The following DCAF10 variants were observed in gnomAD, a reference collection of about 807,000 sequenced individuals.
DCAF10 encodes the protein DDB1 and CUL4 associated factor 10.
A neutral mutation model predicts 51.9 loss-of-function variants in DCAF10; 19 were observed. The observed-to-expected ratio is 0.37, with a 90% CI of 0.26 to 0.54. The LOEUF is 0.54. Ranked by LOEUF, DCAF10 falls within the 20% of genes least tolerant of loss-of-function variation. The pLI, the probability that DCAF10 is intolerant of heterozygous loss-of-function variation, is 0.87. For missense variants in DCAF10, 510 were observed against 730.6 expected, an observed-to-expected ratio of 0.70 and a Z score of 3.48; for synonymous variants, 291 against 297.1, an observed-to-expected ratio of 0.98 and a Z score of 0.21.
chr9:37,850,824 T>TTTTATA (rs1473461026), intron 3 of DCAF10, among the ~76,000 whole-genome samples: 1 of 54,520 alleles, frequency 1.8e-5, no homozygotes, highest in Non-Finnish European at 4.1e-5. Flanking sequence ...TGAGGATATA[T>TTTTATA]TTTATATATA....
intron 2 of DCAF10, among the ~76,000 whole-genome samples, chr9:37,822,050 A>G (rs1248779505): frequency 6.6e-6 from 1 of 152,208 alleles, no homozygotes; most frequent in African/African-American, 2.4e-5. Flanking sequence ...GGAAATGCAA[A>G]TCAAAACCAT....
chr9:37,812,917 T>A (rs1829397408), intron 1 of DCAF10, among the ~76,000 whole-genome samples: 1 of 151,900 alleles, frequency 6.6e-6, no homozygotes, highest in Non-Finnish European at 1.5e-5. Context: ...TCTAAAAAAT[T>A]AAATATTAGG....
chr9:37,844,720 C>A (rs1263581143), intron 3 of DCAF10, among the ~76,000 whole-genome samples: 3 of 152,096 alleles, frequency 2.0e-5, no homozygotes, highest in Non-Finnish European at 4.4e-5. Flanking sequence ...TGGCACACGC[C>A]TGTAATCCCA....
chr9:37,808,415 G>A (rs1016418880), intron 1 of DCAF10, among the ~76,000 whole-genome samples: 8 of 132,066 alleles, frequency 6.1e-5, no homozygotes, highest in African/African-American at 2.2e-4. Flanking sequence ...ATGAGACCCT[G>A]TCTCAAGAAA....
intron 3 of DCAF10, among the ~76,000 whole-genome samples, chr9:37,848,834 GT>G (rs1467104823): frequency 6.6e-6 from 1 of 151,864 alleles, no homozygotes; most frequent in African/African-American, 2.4e-5. Flanking sequence ...TTAGCAGGGC[GT>G]GGTGGTGGGC....
intron 2 of DCAF10, among the ~76,000 whole-genome samples, chr9:37,822,720 AG>A (rs1829742811): frequency 6.6e-6 from 1 of 152,124 alleles, no homozygotes; most frequent in Non-Finnish European, 1.5e-5. Context: ...TGGGTGCACC[AG>A]GGTCTCACAA....
intron 3 of DCAF10, among the ~76,000 whole-genome samples, chr9:37,844,158 A>G (rs1018295789): frequency 2.0e-5 from 3 of 152,270 alleles, no homozygotes; most frequent in African/African-American, 7.2e-5. Flanking sequence ...ATTACAAGAA[A>G]GAAGTGAGAA....
chr9:37,850,826 TTATATA>T (rs71494679), intron 3 of DCAF10, among the ~76,000 whole-genome samples: 860 of 45,010 alleles, frequency 0.019, 3 homozygotes, highest in South Asian at 0.026. Flanking sequence ...AGGATATATT[TTATATA>T]TATATATATA....
At position 37,808,458 on chromosome 9, in the gene DCAF10, ATATATAATATAAAATATATATT is replaced by A. The variant is rs1007099363; in HGVS notation, c.539+7065_539+7086del. On this transcript the variant is annotated intron_variant, in intron 1 of 6. Transcript: ENST00000377724. ...ATATTATATTATGTAAAAGTATATT[ATATATAATATAAAATATATATT>A]TATATAATATATAAATATATAAAAC... is the stretch of plus-strand genomic sequence containing the variant. Among the ~76,000 whole-genome samples the A allele has an allele frequency of 3.6e-5, 4 of 110,278 alleles. No individual in the cohort carries two copies. In the East Asian group the frequency reaches 6.7e-4, roughly 19 times the overall value. 72.3% of individuals were successfully genotyped at this position (110,278 alleles called of 152,430 possible).
intron 2 of DCAF10, among the ~76,000 whole-genome samples, chr9:37,824,568 TTAAA>T (rs1829799756): frequency 6.6e-6 from 1 of 150,464 alleles, no homozygotes; most frequent in African/African-American, 2.4e-5. Context: ...AAAAAAAAAT[TTAAA>T]TGAAGAAAAG....
At chr9:37,802,188 C>T (rs1221863451) in intron 1 of DCAF10, among the ~76,000 whole-genome samples, 1 of 152,104 alleles carries the variant, frequency 6.6e-6, no homozygotes, top group Non-Finnish European at 1.5e-5. Context: ...TTCTCTCATT[C>T]GGCGTATATT....
intron 2 of DCAF10, among the ~76,000 whole-genome samples, chr9:37,836,653 G>A (rs1830174627): frequency 6.6e-6 from 1 of 152,138 alleles, no homozygotes; most frequent in African/African-American, 2.4e-5. Flanking sequence ...GACTCAAAGC[G>A]GAAAGAGTGA....
intron 2 of DCAF10, among the ~76,000 whole-genome samples, chr9:37,830,059 A>G (rs1400398235): frequency 6.6e-6 from 1 of 151,498 alleles, no homozygotes; most frequent in East Asian, 1.9e-4. Context: ...ACGGAGGTAT[A>G]TGAAGAAGAT....
chr9:37,835,670 G>A (rs1159994903), intron 2 of DCAF10, among the ~76,000 whole-genome samples: 1 of 152,080 alleles, frequency 6.6e-6, no homozygotes, highest in Non-Finnish European at 1.5e-5. Flanking sequence ...CCCGGGAGGC[G>A]GAGGTTGCAG....
chr9:37,839,795 C>T (rs10122429), intron 2 of DCAF10, among the ~76,000 whole-genome samples: 29,086 of 152,082 alleles, frequency 0.19, 3,178 homozygotes, highest in African/African-American at 0.29. Flanking sequence ...TTGCTTATTC[C>T]ACACAATTAT....
At chr9:37,855,494 A>T (rs1407279219) in intron 4 of DCAF10, among the ~76,000 whole-genome samples, 1 of 152,192 alleles carries the variant, frequency 6.6e-6, no homozygotes, top group Non-Finnish European at 1.5e-5. Flanking sequence ...CCCATTGCTG[A>T]TTTTGTTAGA....
At chr9:37,854,550 C>T (rs1032007348) in intron 3 of DCAF10, among the ~76,000 whole-genome samples, 3 of 152,136 alleles carry the variant, frequency 2.0e-5, no homozygotes, top group Non-Finnish European at 4.4e-5. Flanking sequence ...ATGTAACAGT[C>T]GCTCTTCTAG....
At chr9:37,844,654 A>G (rs1830428767) in intron 3 of DCAF10, among the ~76,000 whole-genome samples, 2 of 151,990 alleles carry the variant, frequency 1.3e-5, no homozygotes, top group Admixed American at 6.6e-5. Flanking sequence ...CTGTCTCAAA[A>G]CAATAACAAC....
rs1828943284 is a variant in DCAF10 at position 37,801,489 on chromosome 9, C to CCCGG, written c.539+84_539+85insCCGG. ...ACGGCCGTCCTGGGCTCGCTCCCCG[C>CCCGG]GCCCGGGCCGAGGTTAGCGAGGCCG... On this transcript the variant is annotated intron_variant, in intron 1 of 6. Transcript: ENST00000377724. The surrounding 1 kb of genome is among the most constrained non-coding windows in gnomAD (Gnocchi z 5.5). The CCCGG allele has an allele frequency of 1.1e-5, 15 of 1,328,942 alleles. 1 individual carries two copies. The South Asian group carries it at 2.2e-4, about 20-fold the overall frequency. 82.3% of individuals were successfully genotyped at this position (1,328,942 alleles called of 1,614,324 possible).
Sources: gnomAD v4.1 joint callset for allele counts (sites outside exome capture counted in the v4.1 genomes callset) on GRCh38, gnomAD v4.1.1 for gene constraint, Gnocchi (gnomAD v3.1) non-coding constraint, MANE v1.5 for transcripts, NCBI Gene and HGNC (gene_info 2026-07-23, HGNC 2026-07-21) for gene names.